SPTAN1: variants seen among roughly 807,000 people sequenced by gnomAD.
SPTAN1 encodes the protein spectrin alpha chain, non-erythrocytic 1.
In SPTAN1, 61 loss-of-function variants were observed where a neutral mutation model predicts 331.3. That is an observed-to-expected ratio of 0.18 (90% CI 0.15 to 0.23). The LOEUF is 0.23. Ranked by LOEUF, SPTAN1 falls within the 10% of genes least tolerant of loss-of-function variation. SPTAN1 has a pLI of 1.00. For synonymous variants in SPTAN1, 1,153 were observed against 1,173.9 expected (o/e 0.98, Z 0.36); for missense variants, 2,043 against 3,147.9 (o/e 0.65, Z 8.40).
At chr9:128,580,699 G>A (rs1340330300) in intron 10 of SPTAN1, among the ~76,000 whole-genome samples, 1 of 152,106 alleles carries the variant, frequency 6.6e-6, no homozygotes, top group Non-Finnish European at 1.5e-5. Flanking sequence ...AAAGTCATTT[G>A]TGATCATTTG....
In SPTAN1 at chr9:128,633,409, C is replaced by T; in HGVS notation, c.*75C>T. The T allele has an allele frequency of 6.2e-7, 1 of 1,606,468 alleles. No homozygotes were observed. Among genetic ancestry groups the T allele is most frequent in the Non-Finnish European group, 8.5e-7 (1 of 1,177,168 alleles). ...CTGCATGTCCGCTCCTCTGTGTGCTCTCACTTTCCACTGTAACCTTAAGCC... is the reference window on the plus strand; with the variant it reads ...CTGCATGTCCGCTCCTCTGTGTGCTTTCACTTTCCACTGTAACCTTAAGCC... On this transcript the variant is annotated 3_prime_UTR_variant, in exon 57 of 57. Transcript: ENST00000372739.
In SPTAN1 at chr9:128,617,752, G is replaced by C; in HGVS notation, c.5470G>C (p.Ala1824Pro). The C allele has an allele frequency of 6.2e-7, 1 of 1,614,018 alleles. No individual in the cohort carries two copies. The highest frequency in any genetic ancestry group is 8.5e-7 in the Non-Finnish European group (1 of 1,180,008). Residue 1824 changes from alanine to proline, a missense_variant, in exon 42 of 57, where the codon GCT becomes CCT. By Grantham distance (27) the Ala-to-Pro change is conservative. Transcript: ENST00000372739. ...AGCAGAACTGGCTGCGCATGAGCCG[G>C]CTATTCAGGTAAGGAGGCCGCCTTC... ...LEAELAAHEPAIQGVLDTGKK... is the reference protein window; with the variant it reads ...LEAELAAHEPPIQGVLDTGKK...
At chr9:128,602,607 G>A (rs1049608394) in intron 27 of SPTAN1, among the ~76,000 whole-genome samples, 4 of 151,876 alleles carry the variant, frequency 2.6e-5, no homozygotes, top group African/African-American at 9.7e-5. Context: ...AAGATCCTAA[G>A]GGACTTTATT....
intron 1 of SPTAN1, among the ~76,000 whole-genome samples, chr9:128,553,606 A>G (rs142922432): frequency 4.6e-5 from 7 of 152,368 alleles, no homozygotes; most frequent in East Asian, 3.9e-4. Context: ...AGTAAAATAT[A>G]TTTTAAATAA....
Position 128,632,502 on chromosome 9 carries a change from C to G in SPTAN1, c.7013+18C>G. ...ATGTTTAAGTGAGTTCAGCCTTACT[C>G]GCCCTGGCTGGGTGGGGGGTGTTCG... On this transcript the variant is annotated intron_variant, in intron 54 of 56. Coordinates refer to ENST00000372739, the MANE Select transcript of SPTAN1 (RefSeq NM_001130438.3). 1 of 1,614,198 alleles carries G rather than the reference C, an allele frequency of 6.2e-7. No homozygotes were observed. The highest frequency in any genetic ancestry group is 8.5e-7 in the Non-Finnish European group (1 of 1,180,040).
At chr9:128,594,511 A>C (rs1015324841) in intron 24 of SPTAN1, 138 bp downstream of exon 24, 1 of 804,756 alleles carries the variant, frequency 1.2e-6, no homozygotes, top group Non-Finnish European at 1.9e-6. Flanking sequence ...GCTCACTGCA[A>C]CCTCTGCCTC....
intron 24 of SPTAN1, among the ~76,000 whole-genome samples, chr9:128,594,900 C>T (rs1238764520): frequency 6.9e-6 from 1 of 145,394 alleles, no homozygotes; most frequent in Non-Finnish European, 1.5e-5. Flanking sequence ...GCGATCTCGG[C>T]TCACTGCAAC....
chr9:128,621,586 A>T, intron 45 of SPTAN1: 1 of 399,906 alleles, frequency 2.5e-6, no homozygotes, highest in Non-Finnish European at 4.8e-6. Context: ...ATAAAATAAA[A>T]ATTACCCATA....
rs1371501842 is a variant in SPTAN1 at position 128,582,736 on chromosome 9, C to T, written c.1693C>T (p.Arg565Cys). 6.2e-7 allele frequency: 1 copy of T among 1,613,990 alleles called. No individual in the cohort carries two copies. Among genetic ancestry groups the T allele is most frequent in the Non-Finnish European group, 8.5e-7 (1 of 1,180,036 alleles). Reference protein sequence around the residue: ...RNALHERAMRRRAQLADSFHL... With the variant: ...RNALHERAMRCRAQLADSFHL... ...TGCCCTTCACGAGAGAGCCATGCGT[C>T]GCCGGGCCCAGCTAGCCGATTCTTT... Residue 565 changes from arginine (R) to cysteine (C), a missense_variant, in exon 14 of 57, where the codon CGC (arginine) becomes TGC (cysteine). This residue lies in a region of SPTAN1 where 1,038 missense variants were observed against 1,531.5 expected (regional missense o/e 0.68). Coordinates refer to ENST00000372739, the MANE Select transcript of SPTAN1 (RefSeq NM_001130438.3).
At chr9:128,626,048 C>G in intron 48 of SPTAN1, 70 bp downstream of exon 48, 1 of 1,567,718 alleles carries the variant, frequency 6.4e-7, no homozygotes, top group Non-Finnish European at 8.7e-7. Context: ...TCTGTCTGCC[C>G]AGCTCTGCCA....
At chr9:128,598,288 G>C in intron 24 of SPTAN1, 112 bp from the exon 25 acceptor site, 1 of 739,434 alleles carries the variant, frequency 1.4e-6, no homozygotes, top group Non-Finnish European at 2.2e-6. Context: ...TTTTTTTTTG[G>C]TAGGCCTCTG....
chr9:128,616,708 A>G (rs1253569486), intron 41 of SPTAN1, among the ~76,000 whole-genome samples: 3 of 152,018 alleles, frequency 2.0e-5, no homozygotes, highest in South Asian at 2.1e-4. Context: ...CGGAGGTTGC[A>G]ATGAGCCAAG....
At chr9:128,586,100 AT>A in intron 19 of SPTAN1, 135 bp downstream of exon 19, 2 of 546,526 alleles carry the variant, frequency 3.7e-6, no homozygotes, top group Admixed American at 3.7e-5. Flanking sequence ...TTTGGAATCC[AT>A]TTTTCACTTG....
intron 1 of SPTAN1, 40 bp from the exon 2 acceptor site, chr9:128,566,698 T>C (rs763542381): frequency 6.2e-7 from 1 of 1,613,742 alleles, no homozygotes; most frequent in Admixed American, 1.7e-5. Context: ...TCTATTTTGG[T>C]GCCTATTGGT....
At chr9:128,568,042 G>A (rs1025604858) in intron 2 of SPTAN1, among the ~76,000 whole-genome samples, 9 of 152,318 alleles carry the variant, frequency 5.9e-5, no homozygotes, top group Admixed American at 5.2e-4. Flanking sequence ...GATTACAGGC[G>A]TGAGCCAATG....
chr9:128,633,597 C>G lies in SPTAN1; in HGVS notation c.*263C>G. 1.8e-6 allele frequency: 2 copies of G among 1,140,974 alleles called. No individual in the cohort carries two copies. Among genetic ancestry groups the G allele is most frequent in the African/African-American group, 1.5e-5 (1 of 65,066 alleles). 70.7% of individuals were successfully genotyped at this position (1,140,974 alleles called of 1,614,324 possible). On this transcript the variant is annotated 3_prime_UTR_variant, in exon 57 of 57. Coordinates refer to ENST00000372739, the MANE Select transcript of SPTAN1 (RefSeq NM_001130438.3). The stretch of plus-strand genomic sequence containing the variant: ...GAAGCAGCTGGCTCCTCCCCTTGTT[C>G]TCTCTCCCACCCTCCCCCAAATCTG...
chr9:128,575,497 A>G, intron 5 of SPTAN1, 152 bp downstream of exon 5: 1 of 857,800 alleles, frequency 1.2e-6, no homozygotes, highest in South Asian at 1.5e-5. Context: ...GTGAGGCACA[A>G]TACTGATTAC....
intron 56 of SPTAN1, 34 bp from the exon 57 acceptor site, chr9:128,633,175 G>C (rs1399948262): frequency 6.2e-7 from 1 of 1,613,594 alleles, no homozygotes. Context: ...GGTGCAGCTG[G>C]CTCAGGCACC....
Position 128,627,985 on chromosome 9 carries a change from G to A in SPTAN1, c.6707+43G>A, listed in dbSNP as rs1859030827. On this transcript the variant is annotated intron_variant, in intron 51 of 56. Coordinates refer to ENST00000372739, the MANE Select transcript of SPTAN1 (RefSeq NM_001130438.3). The surrounding 1 kb of genome is among the most constrained non-coding windows in gnomAD (Gnocchi z 4.9). The stretch of plus-strand genomic sequence containing the variant: ...CCTTCTCTGGGCTTGTCATGTGGGG[G>A]TCTCGTGCGCTTGCCCCTCGTGGCC... 1 of 1,613,432 alleles carries A rather than the reference G, an allele frequency of 6.2e-7. No homozygotes were observed. Among genetic ancestry groups the A allele is most frequent in the African/African-American group, 1.3e-5 (1 of 74,866 alleles).
Sources: gnomAD v4.1 joint callset for allele counts (sites outside exome capture counted in the v4.1 genomes callset) on GRCh38, gnomAD v4.1.1 for gene constraint, gnomAD v4.1.1 regional missense constraint, Gnocchi (gnomAD v3.1) non-coding constraint, MANE v1.5 for transcripts, NCBI Gene and HGNC (gene_info 2026-07-23, HGNC 2026-07-21) for gene names.